Variants in INPP4B observed in about 807,000 individuals in gnomAD.
INPP4B encodes the protein inositol polyphosphate-4-phosphatase type II B.
Under a neutral mutation model 122.5 loss-of-function variants are expected in INPP4B, and 55 were observed. The observed-to-expected ratio is 0.45, with a 90% CI of 0.36 to 0.56. The LOEUF (loss-of-function observed/expected upper bound fraction) is 0.56, where lower values mean the gene tolerates loss of function less well. Among genes scored for constraint, INPP4B ranks in the 20% least tolerant of loss-of-function variants. The probability of loss-of-function intolerance (pLI) is 0.00; values close to 1 mark genes in which losing one functional copy is unlikely to be tolerated. For missense variants in INPP4B, 1,000 were observed against 1,097.7 expected (o/e 0.91, Z 1.26); for synonymous variants, 403 against 388.7 (o/e 1.04, Z -0.43).
rs531531070 is a variant in INPP4B, at chr4:142,502,298, T to C, written c.-190-39572A>G. Reference sequence around the variant, plus strand: ...CACCCAGGACCCAGAGCTAACATTCTTTTCTGCTGAACCCAAATTTTTAGC... The same window carrying C: ...CACCCAGGACCCAGAGCTAACATTCCTTTCTGCTGAACCCAAATTTTTAGC... On this transcript the variant is annotated intron_variant, in intron 2 of 25. Transcript: ENST00000262992. Among the ~76,000 whole-genome samples, 60 of 152,220 alleles carry C rather than the reference T, an allele frequency of 3.9e-4. 1 individual carries two copies. In the South Asian group the frequency reaches 0.012, roughly 32 times the overall value.
At chr4:142,273,707 A>T (rs530424519) in intron 9 of INPP4B, among the ~76,000 whole-genome samples, 1 of 151,978 alleles carries the variant, frequency 6.6e-6, no homozygotes, top group East Asian at 1.9e-4. Context: ...GAATCAAAGC[A>T]AGGAACATGC....
chr4:142,194,542 A>G (rs1307399072), intron 14 of INPP4B, among the ~76,000 whole-genome samples: 2 of 152,170 alleles, frequency 1.3e-5, no homozygotes, highest in East Asian at 3.8e-4. Context: ...GTCTACCTTC[A>G]TTTATCTGAT....
intron 5 of INPP4B, among the ~76,000 whole-genome samples, chr4:142,411,959 A>G (rs1474709069): frequency 1.3e-5 from 2 of 152,114 alleles, no homozygotes; most frequent in African/African-American, 4.8e-5. Context: ...CCTCAATAGC[A>G]CCATTCTTAT....
rs567628230 is a variant in INPP4B, at chr4:142,668,388, T to G, written c.-191+57451A>C. 8.0e-3 allele frequency among the ~76,000 whole-genome samples: 1,219 copies of G among 152,256 alleles called. 12 individuals are homozygous for G. The highest frequency in any genetic ancestry group is 0.026 in the African/African-American group (1,073 of 41,550). ...AGGTCACATATGACAAAACTCCAGG[T>G]AACATCATACTCACTGGAAAAAAGT... On this transcript the variant is annotated intron_variant, in intron 2 of 25. Transcript: ENST00000262992.
intron 2 of INPP4B, among the ~76,000 whole-genome samples, chr4:142,711,612 C>T (rs1008319702): frequency 2.0e-5 from 3 of 152,084 alleles, no homozygotes; most frequent in Non-Finnish European, 2.9e-5. Context: ...GACTCTTAGC[C>T]ATTGCTATGG....
At chr4:142,083,788 A>G (rs891386469) in intron 24 of INPP4B, among the ~76,000 whole-genome samples, 14 of 152,100 alleles carry the variant, frequency 9.2e-5, no homozygotes, top group African/African-American at 3.4e-4. Flanking sequence ...CCTTTCAAAT[A>G]AATAGTATTT....
intron 7 of INPP4B, among the ~76,000 whole-genome samples, chr4:142,357,588 A>C (rs370929615): frequency 2.6e-5 from 4 of 152,042 alleles, no homozygotes; most frequent in Non-Finnish European, 5.9e-5. Context: ...TGAAACCTAT[A>C]GATTATGGGG....
At chr4:142,723,357 AT>A (rs1764933224) in intron 2 of INPP4B, among the ~76,000 whole-genome samples, 1 of 152,142 alleles carries the variant, frequency 6.6e-6, no homozygotes, top group African/African-American at 2.4e-5. Flanking sequence ...ATGTAAACCT[AT>A]GTAAAAATTG....
chr4:142,455,926 T>C (rs965245860), intron 3 of INPP4B, among the ~76,000 whole-genome samples: 5 of 152,130 alleles, frequency 3.3e-5, no homozygotes, highest in East Asian at 3.8e-4. Context: ...CCTTTTCATA[T>C]ACTTGTTTGC....
intron 1 of INPP4B, among the ~76,000 whole-genome samples, chr4:142,734,556 C>A (rs1766547661): frequency 7.2e-5 from 11 of 152,172 alleles, no homozygotes; most frequent in Admixed American, 7.2e-4. Flanking sequence ...GATTTGCTCA[C>A]TTTTCCTTCG....
At chr4:142,693,377 A>C (rs986445373) in intron 2 of INPP4B, among the ~76,000 whole-genome samples, 1 of 151,852 alleles carries the variant, frequency 6.6e-6, no homozygotes, top group East Asian at 1.9e-4. Context: ...GAGTTCCTTA[A>C]AGGGCTCCAC....
chr4:142,707,417 C>G (rs986070200), intron 2 of INPP4B, among the ~76,000 whole-genome samples: 1 of 152,164 alleles, frequency 6.6e-6, no homozygotes, highest in Non-Finnish European at 1.5e-5. Flanking sequence ...GGATTTGTGT[C>G]CCACTTATGT....
intron 23 of INPP4B, among the ~76,000 whole-genome samples, chr4:142,105,949 G>A (rs1786861996): frequency 6.6e-6 from 1 of 152,108 alleles, no homozygotes; most frequent in Non-Finnish European, 1.5e-5. Flanking sequence ...CTTAAATAGA[G>A]CAGAACTCAA....
chr4:142,170,773 G>T (rs566361198), intron 16 of INPP4B, among the ~76,000 whole-genome samples: 4 of 151,684 alleles, frequency 2.6e-5, no homozygotes, highest in Admixed American at 6.6e-5. Context: ...GGAAGAACAG[G>T]CCTGTGTTTT....
chr4:142,329,523 T>C (rs1464315991), intron 7 of INPP4B, among the ~76,000 whole-genome samples: 1 of 152,226 alleles, frequency 6.6e-6, no homozygotes, highest in Non-Finnish European at 1.5e-5. Context: ...AATATTACTC[T>C]GATGTGTGGA....
intron 2 of INPP4B, among the ~76,000 whole-genome samples, chr4:142,632,926 A>T (rs74799178): frequency 1.1e-4 from 16 of 141,782 alleles, no homozygotes; most frequent in East Asian, 4.2e-4. Flanking sequence ...TGAAAAAAAA[A>T]TTTTAAATAA....
intron 2 of INPP4B, among the ~76,000 whole-genome samples, chr4:142,633,173 A>C (rs1748361921): frequency 6.6e-6 from 1 of 152,000 alleles, no homozygotes; most frequent in African/African-American, 2.4e-5. Context: ...CATAACAACA[A>C]AAGGTTTAAT....
intron 18 of INPP4B, among the ~76,000 whole-genome samples, chr4:142,145,520 T>TA (rs1810218098): frequency 6.6e-6 from 1 of 152,194 alleles, no homozygotes; most frequent in Non-Finnish European, 1.5e-5. Context: ...GATGCTTATT[T>TA]ATCTTTCTAA....
chr4:142,537,469 G>C (rs1415249749), intron 2 of INPP4B, among the ~76,000 whole-genome samples: 1,950 of 87,716 alleles, frequency 0.022, 53 homozygotes, highest in African/African-American at 0.069. Flanking sequence ...GAGAGAGAGA[G>C]AGATACACAT....
Sources: gnomAD v4.1 joint callset for allele counts (sites outside exome capture counted in the v4.1 genomes callset) on GRCh38, gnomAD v4.1.1 for gene constraint, MANE v1.5 for transcripts, NCBI Gene and HGNC (gene_info 2026-07-23, HGNC 2026-07-21) for gene names.